Variants in CYP3A7 observed in about 807,000 individuals in gnomAD.
The protein encoded by CYP3A7 is cytochrome P450 3A7.
In CYP3A7, 45 loss-of-function variants were observed where a neutral mutation model predicts 55.2. The observed-to-expected ratio is 0.82, with a 90% CI of 0.64 to 1.05. The LOEUF (loss-of-function observed/expected upper bound fraction) is 1.05. Ranked by LOEUF, CYP3A7 falls within the 50% of genes least tolerant of loss-of-function variation. The pLI is 0.00. For missense variants in CYP3A7, 548 were observed against 605.3 expected, an observed-to-expected ratio of 0.91 and a Z score of 0.99; for synonymous variants, 180 against 207.4, an observed-to-expected ratio of 0.87 and a Z score of 1.13.
chr7:99,726,569 T>G (rs191703631), intron 2 of CYP3A7, among the ~76,000 whole-genome samples: 187 of 152,290 alleles, frequency 1.2e-3, no homozygotes, highest in Non-Finnish European at 9.6e-4. Context: ...CTCTCTTTGC[T>G]TTTACCTAAA....
rs1236238451 is a variant in CYP3A7, at chr7:99,709,057, G to C, written c.1231C>G (p.Pro411Ala). Reference sequence around the variant, plus strand: ...TACCTTTCAGGGAGGAACTTCTCAGGCTCTGTCCAGTACTTTGGGTCATGA... The same window carrying C: ...TACCTTTCAGGGAGGAACTTCTCAGCCTCTGTCCAGTACTTTGGGTCATGA... Reference protein sequence around the residue: ...LHHDPKYWTEPEKFLPERFSK... With the variant: ...LHHDPKYWTEAEKFLPERFSK... The change falls in exon 11 of 13, where the codon CCT becomes GCT. Residue 411 changes from proline (P) to alanine (A), a missense_variant. Physicochemically the swap from Pro to Ala is conservative, Grantham distance 27. Transcript: ENST00000336374. The C allele has an allele frequency of 1.2e-6, 2 of 1,613,842 alleles. No individual in the cohort carries two copies. The highest frequency in any genetic ancestry group is 3.3e-5 in the Admixed American group (2 of 59,982).
At chr7:99,713,137 A>C (rs1022948390) in intron 9 of CYP3A7, among the ~76,000 whole-genome samples, 1 of 152,212 alleles carries the variant, frequency 6.6e-6, no homozygotes, top group African/African-American at 2.4e-5. Context: ...TTTTTGCAGA[A>C]ACCTAATAAA....
intron 8 of CYP3A7, 83 bp from the exon 9 acceptor site, chr7:99,713,618 C>G: frequency 6.3e-7 from 1 of 1,593,674 alleles, no homozygotes; most frequent in Non-Finnish European, 8.6e-7. Context: ...CTCAACCTCC[C>G]TTCTGAGAAT....
intron 7 of CYP3A7, among the ~76,000 whole-genome samples, chr7:99,714,924 A>T (rs540291990): frequency 6.6e-6 from 1 of 152,294 alleles, no homozygotes; most frequent in East Asian, 1.9e-4. Flanking sequence ...CTTTTGAATG[A>T]TGAAAGGAAC....
intron 1 of CYP3A7, among the ~76,000 whole-genome samples, chr7:99,732,943 C>T (rs1814682538): frequency 6.6e-6 from 1 of 152,146 alleles, no homozygotes; most frequent in Non-Finnish European, 1.5e-5. Context: ...AAAGGGTAGC[C>T]ATTAAGGCAG....
chr7:99,711,069 G>A (rs1450391277), intron 9 of CYP3A7, among the ~76,000 whole-genome samples, 177 bp from the exon 10 acceptor site: 6 of 152,110 alleles, frequency 3.9e-5, no homozygotes, highest in Admixed American at 3.3e-4. Context: ...CCAGAACAAG[G>A]CAAATCATTT....
Position 99,722,314 on chromosome 7 carries a change from T to A in CYP3A7, c.200A>T (p.Lys67Met), listed in dbSNP as rs776390885. The change falls in exon 3 of 13, where the codon AAG (lysine) becomes ATG (methionine). Residue 67 changes from lysine (K) to methionine (M), a missense_variant. Transcript: ENST00000336374. Reference sequence around the variant, plus strand: ...TACTCACCCCCAGACTTTTCTATACTTTTTATAACATTCCATGTCAAACGT... The same window carrying A: ...TACTCACCCCCAGACTTTTCTATACATTTTATAACATTCCATGTCAAACGT... ...YWTFDMECYK[K>M]YRKVWGIYDC... The A allele has an allele frequency of 6.2e-7, 1 of 1,613,614 alleles. No individual in the cohort carries two copies. Among genetic ancestry groups the A allele is most frequent in the East Asian group, 2.2e-5 (1 of 44,826 alleles).
At chr7:99,715,281 T>A (rs1813896854) in intron 7 of CYP3A7, 1 of 179,596 alleles carries the variant, frequency 5.6e-6, no homozygotes, top group Admixed American at 5.4e-5. Flanking sequence ...AGAGGGAAAT[T>A]TATAGTTGTA....
chr7:99,715,448 C>A (rs1371714318), intron 7 of CYP3A7: 4 of 344,068 alleles, frequency 1.2e-5, no homozygotes, highest in South Asian at 3.0e-5. Flanking sequence ...ATTAAAAAAA[C>A]CCTGAAAAAT....
rs1169630399 is a variant in CYP3A7, at chr7:99,717,608, G to C, written c.350C>G (p.Ala117Gly). 1 of 1,613,616 alleles carries C rather than the reference G, an allele frequency of 6.2e-7. No individual in the cohort carries two copies. Among genetic ancestry groups the C allele is most frequent in the East Asian group, 2.2e-5 (1 of 44,804 alleles). ...TTCTTCATCCTCAGCTATAGAGATGGCATTTTTCATAAATCCCACTGGCCC... is the reference window on the plus strand; with the variant it reads ...TTCTTCATCCTCAGCTATAGAGATGCCATTTTTCATAAATCCCACTGGCCC... ...PFGPVGFMKN[A>G]ISIAEDEEWK... Residue 117 changes from alanine to glycine, a missense_variant, in exon 5 of 13, where the codon GCC becomes GGC. Coordinates refer to ENST00000336374, the MANE Select transcript of CYP3A7 (RefSeq NM_000765.5).
rs76859972 is a variant in CYP3A7 at position 99,708,645 on chromosome 7, C to A, written c.1253+390G>T. Reference sequence around the variant, plus strand: ...TATCTGTTGCACTAACCTATAAATTCTTTGAAGATTAGACGCATGTTTTTT... The same window carrying A: ...TATCTGTTGCACTAACCTATAAATTATTTGAAGATTAGACGCATGTTTTTT... On this transcript the variant is annotated intron_variant, in intron 11 of 12. Transcript: ENST00000336374. 4.7e-3 allele frequency among the ~76,000 whole-genome samples: 718 copies of A among 152,250 alleles called. 2 individuals are homozygous for A. The highest frequency in any genetic ancestry group is 0.016 in the African/African-American group (685 of 41,556).
Position 99,733,999 on chromosome 7 carries a change from T to C in CYP3A7, c.71+1024A>G, listed in dbSNP as rs1437767778. On this transcript the variant is annotated intron_variant, in intron 1 of 12. Coordinates refer to ENST00000336374, the MANE Select transcript of CYP3A7 (RefSeq NM_000765.5). ...GAAAGGTGAGGTTATCTTATACACA[T>C]TTATTGTCACAAATACTGAACTAAT... Among the ~76,000 whole-genome samples, 6 of 152,230 alleles carry C rather than the reference T, an allele frequency of 3.9e-5. No homozygotes were observed. The East Asian group carries it at 1.2e-3, about 29-fold the overall frequency.
intron 11 of CYP3A7, 119 bp from the exon 12 acceptor site, chr7:99,708,093 G>T: frequency 7.0e-7 from 1 of 1,422,616 alleles, no homozygotes; most frequent in Non-Finnish European, 9.8e-7. Flanking sequence ...ATACTTTTGT[G>T]GGCTAGTCAC....
intron 10 of CYP3A7, among the ~76,000 whole-genome samples, chr7:99,710,419 A>C (rs571591776): frequency 6.6e-6 from 1 of 152,226 alleles, no homozygotes; most frequent in Non-Finnish European, 1.5e-5. Context: ...AGCAGAGCTC[A>C]CTATCAAGAC....
At chr7:99,725,889 C>G (rs549673628) in intron 2 of CYP3A7, among the ~76,000 whole-genome samples, 1 of 152,348 alleles carries the variant, frequency 6.6e-6, no homozygotes, top group East Asian at 1.9e-4. Flanking sequence ...GGGCCTGCTT[C>G]CCTTGCCCCC....
chr7:99,710,107 AAAG>A (rs1813689825), intron 10 of CYP3A7, among the ~76,000 whole-genome samples: 1 of 152,226 alleles, frequency 6.6e-6, no homozygotes, highest in South Asian at 2.1e-4. Flanking sequence ...ACTGCCACAC[AAAG>A]ACCAGCCCAA....
chr7:99,728,669 C>G (rs1814507136), intron 2 of CYP3A7, among the ~76,000 whole-genome samples: 1 of 152,158 alleles, frequency 6.6e-6, no homozygotes, highest in African/African-American at 2.4e-5. Context: ...TGAAAAAATT[C>G]AATTTGCAAA....
intron 1 of CYP3A7, among the ~76,000 whole-genome samples, chr7:99,731,483 A>T (rs886313003): frequency 2.6e-5 from 4 of 152,114 alleles, no homozygotes; most frequent in African/African-American, 9.7e-5. Flanking sequence ...TCATTCCCTC[A>T]TGTCTTTTTA....
intron 5 of CYP3A7, 83 bp downstream of exon 5, chr7:99,717,439 CGGAA>C: frequency 6.3e-7 from 1 of 1,589,112 alleles, no homozygotes; most frequent in Non-Finnish European, 8.6e-7. Flanking sequence ...GACTACTCCT[CGGAA>C]AGGAACTCTG....
Sources: gnomAD v4.1 joint callset for allele counts (sites outside exome capture counted in the v4.1 genomes callset) on GRCh38, gnomAD v4.1.1 for gene constraint, MANE v1.5 for transcripts, NCBI Gene and HGNC (gene_info 2026-07-23, HGNC 2026-07-21) for gene names.